The following RPP30 variants were observed in gnomAD, a reference collection of about 807,000 sequenced individuals.
RPP30 encodes the protein ribonuclease P/MRP subunit p30, also known as ribonuclease P protein subunit p30.
In RPP30, 36 loss-of-function variants were observed where a neutral mutation model predicts 38.6. The ratio of observed to expected loss-of-function variants is 0.93; its 90% CI spans 0.71 to 1.23. The LOEUF is 1.23. RPP30 is among the 50% of genes most tolerant of loss of function. RPP30 has a pLI of 0.00. For synonymous variants in RPP30, 126 were observed against 112.7 expected (o/e 1.12, Z -0.75); for missense variants, 321 against 321.7 (o/e 1.00, Z 0.02).
At chr10:90,874,059 G>A (rs1380138928) in intron 1 of RPP30, among the ~76,000 whole-genome samples, 2 of 152,146 alleles carry the variant, frequency 1.3e-5, no homozygotes, top group Admixed American at 6.5e-5. Flanking sequence ...GTCAAGTAAT[G>A]GATGCTCAGT....
chr10:90,891,369 C>A (rs1192847738), intron 6 of RPP30, among the ~76,000 whole-genome samples: 1 of 152,202 alleles, frequency 6.6e-6, no homozygotes, highest in African/African-American at 2.4e-5. Flanking sequence ...AGACACCAGT[C>A]ATATTGGATT....
chr10:90,881,918 A>G (rs1016181044), intron 5 of RPP30, among the ~76,000 whole-genome samples: 1 of 152,208 alleles, frequency 6.6e-6, no homozygotes, highest in East Asian at 1.9e-4. Context: ...ATAAAATCGA[A>G]CCATCTTAAA....
At chr10:90,894,940 TTAG>T (rs1564714882) in intron 7 of RPP30, 49 bp downstream of exon 7, 1 of 1,192,166 alleles carries the variant, frequency 8.4e-7, no homozygotes, top group South Asian at 1.2e-5. Flanking sequence ...CAGTTTATTA[TTAG>T]TAGTACACTG....
intron 10 of RPP30, among the ~76,000 whole-genome samples, chr10:90,899,423 T>C (rs2120236322): frequency 6.6e-6 from 1 of 152,318 alleles, no homozygotes; most frequent in African/African-American, 2.4e-5. Context: ...TAAGGAATAA[T>C]TCATAGCTAA....
chr10:90,878,000 AC>A (rs2120187360), intron 4 of RPP30, among the ~76,000 whole-genome samples: 1 of 152,348 alleles, frequency 6.6e-6, no homozygotes. Flanking sequence ...TGAAAAGCCA[AC>A]TTTTGGTGTC....
rs146033404 is a variant in RPP30, at chr10:90,896,388, T to C, written c.693T>C (p.His231=). 2.9e-4 allele frequency: 473 copies of C among 1,613,670 alleles called. 4 individuals are homozygous for C. The Middle Eastern group carries it at 6.4e-3, about 22-fold the overall frequency. The part of the protein sequence containing the change: ...VSTNCRAALL[H]GETRKTAFGI... ...CCAACTGCCGAGCAGCGCTTCTCCA[T>C]GGAGGTAAGCAAGTTCTTCCAGTAC... The change falls in exon 10 of 11, where the codon CAT becomes CAC. Residue 231 remains histidine (H), a synonymous_variant. Transcript: ENST00000371703.
intron 4 of RPP30, among the ~76,000 whole-genome samples, chr10:90,876,308 A>G (rs138663508): frequency 8.7e-4 from 132 of 152,318 alleles, no homozygotes; most frequent in Non-Finnish European, 1.7e-3. Context: ...TACCACAATT[A>G]AAGAATCCCT....
chr10:90,905,918 A>G (rs1311615804), downstream of RPP30: 3 of 152,234 alleles, frequency 2.0e-5, no homozygotes, highest in South Asian at 2.1e-4. Flanking sequence ...TAAATACCCA[A>G]TAATAACAGG....
rs540074923 is a variant in RPP30 at position 90,876,168 on chromosome 10, C to T, written c.270+70C>T. ...TATTGATTAATGTTGAACAATGTTG[C>T]ATTTTGTCTTCCCCATTTTACATTT... On this transcript the variant is annotated intron_variant, in intron 4 of 10. Coordinates refer to ENST00000371703, the MANE Select transcript of RPP30 (RefSeq NM_006413.5). 4.0e-6 allele frequency: 4 copies of T among 997,968 alleles called. No individual in the cohort carries two copies. The East Asian group carries it at 7.3e-5, about 18-fold the overall frequency. The allele number at this position is 997,968 out of a possible 1,614,324, so 61.8% of individuals were successfully genotyped here. A position where few individuals can be genotyped will look rare whatever the true frequency, so the allele number is the denominator to read the frequency against.
At chr10:90,904,589 G>T (rs1171953334), downstream of RPP30, among the ~76,000 whole-genome samples, 1 of 152,162 alleles carries the variant, frequency 6.6e-6, no homozygotes, top group African/African-American at 2.4e-5. Flanking sequence ...AAGGAGGGCG[G>T]ATAACTTGAG....
intron 3 of RPP30, 72 bp from the exon 4 acceptor site, chr10:90,875,952 C>T (rs1846846115): frequency 1.1e-6 from 1 of 882,310 alleles, no homozygotes; most frequent in Non-Finnish European, 1.9e-6. Flanking sequence ...TTAATGAATA[C>T]TTTCCACTGG....
At chr10:90,887,571 G>C (rs1847018652) in intron 6 of RPP30, among the ~76,000 whole-genome samples, 1 of 151,724 alleles carries the variant, frequency 6.6e-6, no homozygotes, top group African/African-American at 2.4e-5. Context: ...CTTTTTAGTA[G>C]AGATGGGGTT....
intron 10 of RPP30, among the ~76,000 whole-genome samples, chr10:90,898,293 T>C (rs1276258298): frequency 6.6e-6 from 1 of 152,186 alleles, no homozygotes; most frequent in South Asian, 2.1e-4. Context: ...ACAGTTCTAG[T>C]TTATGCCTGC....
intron 10 of RPP30, among the ~76,000 whole-genome samples, chr10:90,900,320 A>C (rs1345942222): frequency 6.6e-6 from 1 of 152,252 alleles, no homozygotes; most frequent in Non-Finnish European, 1.5e-5. Flanking sequence ...TGGACAGACC[A>C]TTAGAGATAA....
intron 10 of RPP30, among the ~76,000 whole-genome samples, chr10:90,899,041 C>G (rs534892362): frequency 6.6e-6 from 1 of 152,168 alleles, no homozygotes; most frequent in African/African-American, 2.4e-5. Flanking sequence ...ACAAATGTAA[C>G]GTCTTGCTGT....
At chr10:90,887,896 G>A (rs1417981688) in intron 6 of RPP30, among the ~76,000 whole-genome samples, 1 of 152,206 alleles carries the variant, frequency 6.6e-6, no homozygotes, top group Non-Finnish European at 1.5e-5. Flanking sequence ...ATTCAGTTCT[G>A]TAGTCACACA....
At chr10:90,895,348 G>T in intron 7 of RPP30, 106 bp from the exon 8 acceptor site, 1 of 652,550 alleles carries the variant, frequency 1.5e-6, no homozygotes, top group Non-Finnish European at 2.6e-6. Context: ...AAAGAAGTTG[G>T]TATTTGAGCC....
intron 4 of RPP30, 102 bp downstream of exon 4, chr10:90,876,200 G>A (rs913943062): frequency 2.1e-5 from 15 of 718,682 alleles, no homozygotes; most frequent in Admixed American, 7.0e-5. Context: ...ATTTTCCCTC[G>A]CCCCCGCCAA....
chr10:90,881,281 A>G (rs543996483), intron 5 of RPP30, among the ~76,000 whole-genome samples: 1 of 152,358 alleles, frequency 6.6e-6, no homozygotes, highest in East Asian at 1.9e-4. Context: ...TCCTCATTCT[A>G]TAATGGAGAA....
Sources: gnomAD v4.1 joint callset for allele counts (sites outside exome capture counted in the v4.1 genomes callset) on GRCh38, gnomAD v4.1.1 for gene constraint, MANE v1.5 for transcripts, NCBI Gene and HGNC (gene_info 2026-07-23, HGNC 2026-07-21) for gene names.